TXLNA: variants seen among roughly 807,000 people sequenced by gnomAD.
TXLNA encodes alpha-taxilin.
In TXLNA, 9 loss-of-function variants were observed where a neutral mutation model predicts 61.4. The observed-to-expected ratio is 0.15, with a 90% confidence interval of 0.09 to 0.26. The LOEUF is 0.26. Ranked by LOEUF, TXLNA falls within the 10% of genes least tolerant of loss-of-function variation. The pLI is 1.00. For synonymous variants in TXLNA, 257 were observed against 267.7 expected (o/e 0.96, Z 0.39); for missense variants, 565 against 688.8 (o/e 0.82, Z 2.01).
At chr1:32,179,926 GGCGCGCGGGGCGTGGGTGGCT>G (rs1476688709) in intron 1 of TXLNA, 150 bp downstream of exon 1, 1 of 153,064 alleles carries the variant, frequency 6.5e-6, no homozygotes, top group Non-Finnish European at 1.5e-5. Flanking sequence ...GCGGCTTGAG[GGCGCGCGGGGCGTGGGTGGCT>G]GCGCGCGCGG....
intron 5 of TXLNA, among the ~76,000 whole-genome samples, chr1:32,188,369 T>C (rs933842808): frequency 7.9e-5 from 12 of 152,370 alleles, no homozygotes; most frequent in Admixed American, 7.8e-4. Flanking sequence ...CTGGGTGTGG[T>C]GGCTCACACC....
chr1:32,188,787 G>A (rs1045732438), intron 5 of TXLNA, among the ~76,000 whole-genome samples: 7 of 152,192 alleles, frequency 4.6e-5, no homozygotes, highest in African/African-American at 1.7e-4. Flanking sequence ...ATGCACTGGC[G>A]TTAGTATTTC....
At chr1:32,194,307 T>A in intron 10 of TXLNA, 147 bp downstream of exon 10, 1 of 689,224 alleles carries the variant, frequency 1.5e-6, no homozygotes, top group Non-Finnish European at 2.5e-6. Context: ...AAGTTAATGC[T>A]GTTCTCTCCC....
rs1642921002 is a variant in TXLNA at position 32,192,204 on chromosome 1, C to T, written c.964-107C>T. On this transcript the variant is annotated intron_variant, in intron 6 of 10. Coordinates refer to ENST00000373610, the MANE Select transcript of TXLNA (RefSeq NM_175852.4). The surrounding 1 kb of genome is among the most constrained non-coding windows in gnomAD (Gnocchi z 4.2). ...TGGTACACATGGGAGTCCATCATAT[C>T]AGATTGAGATGGGGGGCTGGGCAAA... 1.3e-6 allele frequency: 2 copies of T among 1,503,712 alleles called. No homozygotes were observed. The highest frequency in any genetic ancestry group is 1.8e-6 in the Non-Finnish European group (2 of 1,106,818). The allele number at this position is 1,503,712 out of a possible 1,614,324, so 93.1% of individuals were successfully genotyped here.
In TXLNA at chr1:32,193,921, G is replaced by A. The variant is rs1443786261; in HGVS notation, c.1252-144G>A. The A allele has an allele frequency of 5.0e-6, 3 of 602,942 alleles. No homozygotes were observed. In the Admixed American group the frequency reaches 8.3e-5, roughly 17 times the overall value. 37.3% of individuals were successfully genotyped at this position (602,942 alleles called of 1,614,324 possible). On this transcript the variant is annotated intron_variant, in intron 9 of 10. Coordinates refer to ENST00000373610, the MANE Select transcript of TXLNA (RefSeq NM_175852.4). ...TTCCTGGTGGTGAGGTGGCACAGAG[G>A]GCATTGACTGCATCCTGTAATGCCT... is the stretch of plus-strand genomic sequence containing the variant.
At position 32,188,130 on chromosome 1, in the gene TXLNA, C is replaced by T; in HGVS notation, c.768+6C>T. On this transcript the variant is annotated splice_donor_region_variant and intron_variant, in intron 5 of 10. Coordinates refer to ENST00000373610, the MANE Select transcript of TXLNA (RefSeq NM_175852.4). ...GGCACAACCGCTCCCTCAAGGTAGGCCTGGGCCCCCTGGAACAGGTGACTC... is the reference window on the plus strand; with the variant it reads ...GGCACAACCGCTCCCTCAAGGTAGGTCTGGGCCCCCTGGAACAGGTGACTC... 2 of 1,544,876 alleles carry T rather than the reference C, an allele frequency of 1.3e-6. No homozygotes were observed. The highest frequency in any genetic ancestry group is 1.4e-5 in the African/African-American group (1 of 73,150).
Position 32,181,409 on chromosome 1 carries a change from T to C in TXLNA, c.337T>C (p.Ser113Pro). Reference sequence around the variant, plus strand: ...GGCTGAACCCGAAGATGCAGAGAAGTCCCGGACCTATGTGGCAAGGAATGG... The same window carrying C: ...GGCTGAACCCGAAGATGCAGAGAAGCCCCGGACCTATGTGGCAAGGAATGG... Reference protein sequence around the residue: ...EPAEPEDAEKSRTYVARNGEP... With the variant: ...EPAEPEDAEKPRTYVARNGEP... The change falls in exon 3 of 11, where the codon TCC becomes CCC. Residue 113 changes from serine (S) to proline (P), a missense_variant. Ser to Pro is a moderately conservative substitution (Grantham distance 74, BLOSUM62 -1). Coordinates refer to ENST00000373610, the MANE Select transcript of TXLNA (RefSeq NM_175852.4). The C allele has an allele frequency of 6.2e-7, 1 of 1,614,152 alleles. No individual in the cohort carries two copies. The highest frequency in any genetic ancestry group is 1.3e-5 in the African/African-American group (1 of 75,026).
chr1:32,192,284 C>A lies in TXLNA; in HGVS notation c.964-27C>A. 3 of 1,609,766 alleles carry A rather than the reference C, an allele frequency of 1.9e-6. No individual in the cohort carries two copies. The highest frequency in any genetic ancestry group is 1.1e-5 in the South Asian group (1 of 90,808). On this transcript the variant is annotated intron_variant, in intron 6 of 10. Coordinates refer to ENST00000373610, the MANE Select transcript of TXLNA (RefSeq NM_175852.4). The surrounding 1 kb of genome is among the most constrained non-coding windows in gnomAD (Gnocchi z 4.2). The stretch of plus-strand genomic sequence containing the variant: ...CTGAGAAAGGGAGCGCCTGACAAGC[C>A]GACTGCTCCCACCATCTTTGTTGCA...
Position 32,196,844 on chromosome 1 carries a change from T to G in TXLNA, c.*1649T>G, listed in dbSNP as rs967946272. ...AAAGAATGTTAAGTACTGAATCATG[T>G]GTGACTGAGACCAGAGATGGCAAAT... On this transcript the variant is annotated 3_prime_UTR_variant, in exon 11 of 11. Transcript: ENST00000373610. The G allele has an allele frequency of 2.0e-5, 3 of 152,260 alleles. No individual in the cohort carries two copies. Among genetic ancestry groups the G allele is most frequent in the African/African-American group, 7.2e-5 (3 of 41,474 alleles). The allele number at this position is 152,260 out of a possible 1,614,324, so 9.4% of individuals were successfully genotyped here.
In TXLNA at chr1:32,197,019, A is replaced by G. The variant is rs886772372; in HGVS notation, c.*1824A>G. The G allele has an allele frequency of 7.9e-5, 12 of 152,188 alleles. No individual in the cohort carries two copies. Among genetic ancestry groups the G allele is most frequent in the African/African-American group, 2.9e-4 (12 of 41,426 alleles). 9.4% of individuals were successfully genotyped at this position (152,188 alleles called of 1,614,324 possible). On this transcript the variant is annotated 3_prime_UTR_variant, in exon 11 of 11. Coordinates refer to ENST00000373610, the MANE Select transcript of TXLNA (RefSeq NM_175852.4). The surrounding 1 kb of genome is among the most constrained non-coding windows in gnomAD (Gnocchi z 4.6). Reference sequence around the variant, plus strand: ...GAGATCTCTGCCATCTCTGGCTGAGATACTGCTGTCCTGTGAAGTGTTTCC... The same window carrying G: ...GAGATCTCTGCCATCTCTGGCTGAGGTACTGCTGTCCTGTGAAGTGTTTCC...
rs1642963657 is a variant in TXLNA at position 32,194,113 on chromosome 1, T to G, written c.1300T>G (p.Ser434Ala). ...GGAGAAAGAAACCACCATGTACCGG[T>G]CCCGGTGGGAGAGCAGCAACAAGGC... ...KLEKETTMYR[S>A]RWESSNKALL... The change falls in exon 10 of 11, where the codon TCC (serine) becomes GCC (alanine). Residue 434 changes from serine to alanine, a missense_variant. Physicochemically the swap from Ser to Ala is moderately conservative, Grantham distance 99 (BLOSUM62 1). Transcript: ENST00000373610. The G allele has an allele frequency of 6.2e-7, 1 of 1,613,886 alleles. No individual in the cohort carries two copies. The highest frequency in any genetic ancestry group is 8.5e-7 in the Non-Finnish European group (1 of 1,179,898).
intron 4 of TXLNA, among the ~76,000 whole-genome samples, 174 bp from the exon 5 acceptor site, chr1:32,187,780 G>T (rs997842130): frequency 1.3e-5 from 2 of 152,066 alleles, no homozygotes; most frequent in Non-Finnish European, 2.9e-5. Flanking sequence ...TGGGGTTATT[G>T]TGAGTTCATG....
Position 32,192,494 on chromosome 1 carries a change from T to C in TXLNA, c.1083+64T>C. 2 of 1,604,242 alleles carry C rather than the reference T, an allele frequency of 1.2e-6. No individual in the cohort carries two copies. The highest frequency in any genetic ancestry group is 1.7e-6 in the Non-Finnish European group (2 of 1,173,300). ...GAGACAGGCTGGGCTCTGGCTCAGC[T>C]CATAGCCGGGTTATATGGGAGAAGT... On this transcript the variant is annotated intron_variant, in intron 7 of 10. Transcript: ENST00000373610. This position sits in a 1 kb window ranked among gnomAD's most constrained non-coding sequence, Gnocchi z 4.2.
rs748105492 is a variant in TXLNA, at chr1:32,184,593, C to T, written c.574C>T (p.Leu192=). The T allele has an allele frequency of 3.1e-6, 5 of 1,613,526 alleles. No individual in the cohort carries two copies. In the African/African-American group the frequency reaches 4.0e-5, roughly 13 times the overall value. ...LSTPEEKLAA[L]CKKYAELLEE... is the part of the protein sequence containing the mutation. Reference sequence around the variant, plus strand: ...TACCCCAGAGGAGAAGCTGGCTGCTCTGTGCAAGAAGTATGCTGAACTGGT... The same window carrying T: ...TACCCCAGAGGAGAAGCTGGCTGCTTTGTGCAAGAAGTATGCTGAACTGGT... Residue 192 remains leucine, a synonymous_variant, in exon 4 of 11, where the codon CTG becomes TTG. Coordinates refer to ENST00000373610, the MANE Select transcript of TXLNA (RefSeq NM_175852.4).
intron 6 of TXLNA, among the ~76,000 whole-genome samples, chr1:32,191,002 G>A (rs1425671633): frequency 6.6e-6 from 1 of 151,256 alleles, no homozygotes; most frequent in African/African-American, 2.4e-5. Flanking sequence ...GCTGAGGCAG[G>A]AGAATTGCTT....
In TXLNA at chr1:32,195,993, CTTTTTCT is replaced by C; in HGVS notation, c.*804_*810del. The stretch of plus-strand genomic sequence containing the variant: ...TTTCTTTTTCTTTTTTTTTTTTTTT[CTTTTTCT>C]TTTTTTTTTGCACATGACAGTGTTT... On this transcript the variant is annotated 3_prime_UTR_variant, in exon 11 of 11. Coordinates refer to ENST00000373610, the MANE Select transcript of TXLNA (RefSeq NM_175852.4). 1 of 123,466 alleles carries C rather than the reference CTTTTTCT, an allele frequency of 8.1e-6. No homozygotes were observed. Among genetic ancestry groups the C allele is most frequent in the Non-Finnish European group, 1.7e-5 (1 of 60,552 alleles). The allele number at this position is 123,466 out of a possible 1,614,324, so 7.6% of individuals were successfully genotyped here.
rs1201059722 is a variant in TXLNA, at chr1:32,195,345, T to G, written c.*150T>G. 2.4e-6 allele frequency: 2 copies of G among 843,792 alleles called. No individual in the cohort carries two copies. Among genetic ancestry groups the G allele is most frequent in the Non-Finnish European group, 3.6e-6 (2 of 548,934 alleles). The allele number at this position is 843,792 out of a possible 1,614,324, so 52.3% of individuals were successfully genotyped here. ...CACTTGCAATTTTGGATTTTGTGGGTCAGTTTTACGTACATAGGGCATTTT... is the reference window on the plus strand; with the variant it reads ...CACTTGCAATTTTGGATTTTGTGGGGCAGTTTTACGTACATAGGGCATTTT... On this transcript the variant is annotated 3_prime_UTR_variant, in exon 11 of 11. Coordinates refer to ENST00000373610, the MANE Select transcript of TXLNA (RefSeq NM_175852.4).
Position 32,180,443 on chromosome 1 carries a change from G to A in TXLNA, c.98G>A (p.Arg33Gln), listed in dbSNP as rs1453611267. 1 of 1,613,484 alleles carries A rather than the reference G, an allele frequency of 6.2e-7. No individual in the cohort carries two copies. The highest frequency in any genetic ancestry group is 8.5e-7 in the Non-Finnish European group (1 of 1,179,750). Reference sequence around the variant, plus strand: ...GCAGGACCCGAGGGAGCCCAGGAGCGGCCCAGCCAGGCGGCTCCTGCAGTA... The same window carrying A: ...GCAGGACCCGAGGGAGCCCAGGAGCAGCCCAGCCAGGCGGCTCCTGCAGTA... ...PEAGPEGAQERPSQAAPAVEA... is the reference protein window; with the variant it reads ...PEAGPEGAQEQPSQAAPAVEA... The change falls in exon 2 of 11, where the codon CGG becomes CAG. Residue 33 changes from arginine (R) to glutamine (Q), a missense_variant. Arg to Gln is a conservative substitution (Grantham distance 43). Transcript: ENST00000373610.
chr1:32,194,536 G>T (rs552008745), intron 10 of TXLNA, among the ~76,000 whole-genome samples: 48 of 151,998 alleles, frequency 3.2e-4, no homozygotes, highest in Middle Eastern at 3.4e-3. Flanking sequence ...AAGTTTTTGG[G>T]TTTTTTTTGT....
Sources: gnomAD v4.1 joint callset for allele counts (sites outside exome capture counted in the v4.1 genomes callset) on GRCh38, gnomAD v4.1.1 for gene constraint, Gnocchi (gnomAD v3.1) non-coding constraint, MANE v1.5 for transcripts, NCBI Gene and HGNC (gene_info 2026-07-23, HGNC 2026-07-21) for gene names.